The following CDH4 variants were observed in gnomAD, a reference collection of about 807,000 sequenced individuals.
CDH4 encodes the protein cadherin 4.
A neutral mutation model predicts 86.0 loss-of-function variants in CDH4; 33 were observed. The observed-to-expected ratio is 0.38, with a 90% CI of 0.29 to 0.51. The LOEUF (loss-of-function observed/expected upper bound fraction) is 0.51. CDH4 is among the 20% of genes least tolerant of loss of function. CDH4 has a pLI of 0.86. For synonymous variants in CDH4, 555 were observed against 549.4 expected, an observed-to-expected ratio of 1.01 and a Z score of -0.14; for missense variants, 1,114 against 1,307.4, an observed-to-expected ratio of 0.85 and a Z score of 2.28.
chr20:61,468,123 C>T (rs185801339), intron 2 of CDH4, among the ~76,000 whole-genome samples: 7 of 152,330 alleles, frequency 4.6e-5, no homozygotes, highest in Admixed American at 3.3e-4. Context: ...ACTCCATCAC[C>T]TAGGGGTGAT....
chr20:61,459,780 T>A (rs906847177), intron 2 of CDH4, among the ~76,000 whole-genome samples: 24 of 151,902 alleles, frequency 1.6e-4, no homozygotes, highest in Non-Finnish European at 2.4e-4. Flanking sequence ...GAGGCAGAAA[T>A]GATTCCCCCA....
At chr20:61,886,854 G>A (rs553703936) in intron 7 of CDH4, among the ~76,000 whole-genome samples, 1 of 152,330 alleles carries the variant, frequency 6.6e-6, no homozygotes, top group African/African-American at 2.4e-5. Flanking sequence ...ACCGGGAGGA[G>A]GTGCCAGACA....
At chr20:61,546,210 G>A (rs1008843073) in intron 2 of CDH4, among the ~76,000 whole-genome samples, 19 of 121,408 alleles carry the variant, frequency 1.6e-4, no homozygotes, top group African/African-American at 3.7e-4. Flanking sequence ...ACATTCGTGC[G>A]TGTGTGTGGA....
Position 61,810,327 on chromosome 20 carries a change from C to T in CDH4, c.577-34341C>T, listed in dbSNP as rs1314664188. Reference sequence around the variant, plus strand: ...GGCTGTGCCAGGCTGTCGTCCCCCCCATGAGCCTGCTGTGTGTGTCTGTGA... The same window carrying T: ...GGCTGTGCCAGGCTGTCGTCCCCCCTATGAGCCTGCTGTGTGTGTCTGTGA... On this transcript the variant is annotated intron_variant, in intron 4 of 15. Transcript: ENST00000614565. This position sits in a 1 kb window ranked among gnomAD's most constrained non-coding sequence, Gnocchi z 4.3. Among the ~76,000 whole-genome samples, 1 of 152,240 alleles carries T rather than the reference C, an allele frequency of 6.6e-6. No homozygotes were observed. Among genetic ancestry groups the T allele is most frequent in the Non-Finnish European group, 1.5e-5 (1 of 68,044 alleles).
chr20:61,888,017 G>A (rs960316046), intron 7 of CDH4, among the ~76,000 whole-genome samples: 9 of 152,236 alleles, frequency 5.9e-5, no homozygotes, highest in Non-Finnish European at 1.2e-4. Flanking sequence ...TGTCCTGGGA[G>A]GGGGAAGAAA....
chr20:61,472,172 A>G (rs1353798851), intron 2 of CDH4, among the ~76,000 whole-genome samples: 1 of 152,194 alleles, frequency 6.6e-6, no homozygotes, highest in Non-Finnish European at 1.5e-5. Context: ...TGCTTTAGAT[A>G]TCTGGGTGAT....
intron 2 of CDH4, among the ~76,000 whole-genome samples, chr20:61,303,781 G>A (rs188695893): frequency 1.8e-4 from 27 of 152,320 alleles, no homozygotes; most frequent in Non-Finnish European, 3.1e-4. Flanking sequence ...CCCCAGGCCC[G>A]GGACACGGAG....
intron 4 of CDH4, among the ~76,000 whole-genome samples, chr20:61,835,136 G>A (rs963575583): frequency 2.6e-5 from 4 of 152,220 alleles, no homozygotes; most frequent in African/African-American, 9.7e-5. Flanking sequence ...GGCTGGTCTT[G>A]AACTCCTGGC....
At chr20:61,523,158 G>C (rs1182076259) in intron 2 of CDH4, among the ~76,000 whole-genome samples, 1 of 152,244 alleles carries the variant, frequency 6.6e-6, no homozygotes, top group Non-Finnish European at 1.5e-5. Flanking sequence ...CCTAGCCACA[G>C]AGGTGGGAAG....
chr20:61,547,466 A>G (rs1345442319), intron 2 of CDH4, among the ~76,000 whole-genome samples: 3 of 151,726 alleles, frequency 2.0e-5, no homozygotes, highest in African/African-American at 2.4e-5. Context: ...CACCCACCTC[A>G]GCCTCCCAAA....
chr20:61,429,336 G>A (rs866131687), intron 2 of CDH4, among the ~76,000 whole-genome samples: 6 of 152,016 alleles, frequency 3.9e-5, no homozygotes, highest in Admixed American at 1.3e-4. Context: ...TCAGCAGGCA[G>A]CCTCCAGAGC....
intron 2 of CDH4, among the ~76,000 whole-genome samples, chr20:61,304,193 G>A (rs1005239903): frequency 6.6e-5 from 10 of 152,032 alleles, no homozygotes; most frequent in Non-Finnish European, 1.5e-4. Flanking sequence ...CTGGTTTTAG[G>A]TCTTTCTCTG....
intron 4 of CDH4, among the ~76,000 whole-genome samples, chr20:61,789,672 G>A (rs1354541151): frequency 2.6e-5 from 4 of 152,228 alleles, no homozygotes; most frequent in Non-Finnish European, 5.9e-5. Context: ...CCTTGCCCGG[G>A]GCATGCCAGC....
chr20:61,379,486 G>C (rs958448485), intron 2 of CDH4, among the ~76,000 whole-genome samples: 2 of 152,104 alleles, frequency 1.3e-5, no homozygotes, highest in African/African-American at 4.8e-5. Context: ...ATCTGTGTAG[G>C]GAAGTCCTGA....
At chr20:61,593,551 G>A (rs995881503) in intron 2 of CDH4, among the ~76,000 whole-genome samples, 9 of 152,208 alleles carry the variant, frequency 5.9e-5, no homozygotes, top group African/African-American at 1.4e-4. Flanking sequence ...TCCCAGGGGC[G>A]TGCAGCAGTG....
At chr20:61,756,269 C>T (rs773792977) in intron 3 of CDH4, among the ~76,000 whole-genome samples, 1 of 152,196 alleles carries the variant, frequency 6.6e-6, no homozygotes, top group Non-Finnish European at 1.5e-5. Context: ...TCGGCTTCTC[C>T]TTGCCTCCGA....
chr20:61,543,717 G>T (rs1236677364), intron 2 of CDH4, among the ~76,000 whole-genome samples: 1 of 152,216 alleles, frequency 6.6e-6, no homozygotes, highest in African/African-American at 2.4e-5. Flanking sequence ...ACTCGTGAAT[G>T]GCAGCTGTAA....
intron 2 of CDH4, among the ~76,000 whole-genome samples, chr20:61,312,130 T>TGTG (rs1555835969): frequency 2.0e-5 from 3 of 151,482 alleles, no homozygotes; most frequent in African/African-American, 7.3e-5. Flanking sequence ...ATGTGGGTGG[T>TGTG]GTGTGTGTGG....
intron 2 of CDH4, among the ~76,000 whole-genome samples, chr20:61,264,416 G>A (rs1255498886): frequency 7.0e-6 from 1 of 143,608 alleles, no homozygotes; most frequent in Non-Finnish European, 1.5e-5. Context: ...CCTTCATTCA[G>A]TCCTACACAT....
Sources: gnomAD v4.1 joint callset for allele counts (sites outside exome capture counted in the v4.1 genomes callset) on GRCh38, gnomAD v4.1.1 for gene constraint, Gnocchi (gnomAD v3.1) non-coding constraint, MANE v1.5 for transcripts, NCBI Gene and HGNC (gene_info 2026-07-23, HGNC 2026-07-21) for gene names.